PHACTR3: variants seen among roughly 807,000 people sequenced by gnomAD.
The protein encoded by PHACTR3 is phosphatase and actin regulator 3, also known as protein phosphatase 1, regulatory subunit 123.
Under a neutral mutation model 66.8 loss-of-function variants are expected in PHACTR3, and 16 were observed. That is an observed-to-expected ratio of 0.24 (90% confidence interval 0.16 to 0.36). PHACTR3 has a LOEUF of 0.36. Among genes scored for constraint, PHACTR3 ranks in the 10% least tolerant of loss-of-function variants. PHACTR3 has a pLI of 1.00. For synonymous variants in PHACTR3, 323 were observed against 292.1 expected (o/e 1.11, Z -1.08); for missense variants, 647 against 719.9 (o/e 0.90, Z 1.16).
rs1295753141 is a variant in PHACTR3 at position 59,672,282 on chromosome 20, C to T, written c.118+67150C>T. Among the ~76,000 whole-genome samples the T allele has an allele frequency of 2.0e-5, 3 of 152,236 alleles. No individual in the cohort carries two copies. The East Asian group carries it at 5.8e-4, about 29-fold the overall frequency. On this transcript the variant is annotated intron_variant, in intron 1 of 12. Transcript: ENST00000371015. ...CATCCCTGCGTTGGAGTCACAGTGC[C>T]CTGAGTCCCTGTCCCAATGCTGCAC...
At chr20:59,715,503 C>T (rs894224984) in intron 1 of PHACTR3, among the ~76,000 whole-genome samples, 7 of 152,170 alleles carry the variant, frequency 4.6e-5, no homozygotes, top group African/African-American at 1.7e-4. Context: ...TGTCTTTCTG[C>T]ATTTCTCTGC....
At chr20:59,719,894 C>T (rs1047815435) in intron 1 of PHACTR3, among the ~76,000 whole-genome samples, 5 of 152,162 alleles carry the variant, frequency 3.3e-5, no homozygotes, top group African/African-American at 4.8e-5. Context: ...GGAGCCTGTC[C>T]GAGGGCTTGC....
At chr20:59,743,371 G>A in intron 2 of PHACTR3, 103 bp downstream of exon 2, 2 of 1,429,474 alleles carry the variant, frequency 1.4e-6, no homozygotes, top group Middle Eastern at 1.9e-4. Context: ...CCCCTACACA[G>A]GAGGGGCAGA....
intron 8 of PHACTR3, among the ~76,000 whole-genome samples, chr20:59,831,468 T>G (rs936113183): frequency 5.3e-5 from 8 of 152,178 alleles, no homozygotes; most frequent in African/African-American, 1.9e-4. Flanking sequence ...CACTCAGGCT[T>G]TCTCAGTGGG....
intron 1 of PHACTR3, among the ~76,000 whole-genome samples, chr20:59,659,071 T>A (rs1440351676): frequency 6.6e-6 from 1 of 152,152 alleles, no homozygotes; most frequent in Non-Finnish European, 1.5e-5. Context: ...AGTTTCCATG[T>A]GGTTCATTTT....
intron 1 of PHACTR3, among the ~76,000 whole-genome samples, chr20:59,620,181 A>G (rs2034181351): frequency 6.6e-6 from 1 of 152,176 alleles, no homozygotes; most frequent in African/African-American, 2.4e-5. Context: ...GAGCATTTTT[A>G]AACTTTTCGC....
intron 8 of PHACTR3, among the ~76,000 whole-genome samples, chr20:59,814,016 G>A (rs1042067699): frequency 6.6e-6 from 1 of 152,234 alleles, no homozygotes. Flanking sequence ...CACTGGCGTG[G>A]CGGGGCCCTG....
intron 1 of PHACTR3, among the ~76,000 whole-genome samples, chr20:59,665,401 C>T (rs748358726): frequency 6.6e-6 from 1 of 152,186 alleles, no homozygotes; most frequent in Non-Finnish European, 1.5e-5. Flanking sequence ...TTTCACTGCA[C>T]CTCTGTGAGA....
intron 1 of PHACTR3, among the ~76,000 whole-genome samples, chr20:59,712,471 T>G (rs1158395166): frequency 6.6e-6 from 1 of 152,214 alleles, no homozygotes; most frequent in Non-Finnish European, 1.5e-5. Context: ...TTGTCATTTT[T>G]TTATACTGTG....
At chr20:59,748,524 AT>A (rs1358305475) in intron 3 of PHACTR3, among the ~76,000 whole-genome samples, 1 of 152,176 alleles carries the variant, frequency 6.6e-6, no homozygotes, top group Admixed American at 6.5e-5. Flanking sequence ...AAGGCCAGTT[AT>A]TATCACTCAT....
intron 1 of PHACTR3, among the ~76,000 whole-genome samples, chr20:59,650,543 G>A (rs533439585): frequency 1.3e-5 from 2 of 152,050 alleles, no homozygotes; most frequent in South Asian, 2.1e-4. Flanking sequence ...TATAACAATG[G>A]CAAGTGTTGC....
Position 59,829,873 on chromosome 20 carries a change from A to G in PHACTR3, c.1329-6632A>G, listed in dbSNP as rs1282661034. Among the ~76,000 whole-genome samples the G allele has an allele frequency of 6.6e-6, 1 of 152,060 alleles. No individual in the cohort carries two copies. On this transcript the variant is annotated intron_variant, in intron 8 of 12. Coordinates refer to ENST00000371015, the MANE Select transcript of PHACTR3 (RefSeq NM_080672.5). The surrounding 1 kb of genome is among the most constrained non-coding windows in gnomAD (Gnocchi z 4.2). Reference sequence around the variant, plus strand: ...ACATCTGTGCTGGGGTGAGATCAAGATTTGGGGGATGTGCGTTTAGTGGGG... The same window carrying G: ...ACATCTGTGCTGGGGTGAGATCAAGGTTTGGGGGATGTGCGTTTAGTGGGG...
At chr20:59,784,602 C>T (rs1408017605) in intron 7 of PHACTR3, among the ~76,000 whole-genome samples, 1 of 152,090 alleles carries the variant, frequency 6.6e-6, no homozygotes, top group East Asian at 1.9e-4. Context: ...TGTTGCATAG[C>T]CCAGTGTGAG....
chr20:59,673,866 G>C (rs2036279609), intron 1 of PHACTR3, among the ~76,000 whole-genome samples: 1 of 152,104 alleles, frequency 6.6e-6, no homozygotes, highest in African/African-American at 2.4e-5. Flanking sequence ...TCTGAGCCTT[G>C]GTTTCCTCAC....
chr20:59,627,585 T>G (rs2034502526), intron 1 of PHACTR3, among the ~76,000 whole-genome samples: 1 of 152,140 alleles, frequency 6.6e-6, no homozygotes, highest in Non-Finnish European at 1.5e-5. Flanking sequence ...ACCTATCAGA[T>G]CCCCAGGTGG....
At chr20:59,723,376 G>A (rs908948097) in intron 1 of PHACTR3, among the ~76,000 whole-genome samples, 1 of 152,048 alleles carries the variant, frequency 6.6e-6, no homozygotes, top group East Asian at 1.9e-4. Flanking sequence ...ACAGTGTGGG[G>A]TGTGCTGTGG....
chr20:59,794,123 C>A (rs1460179772), intron 7 of PHACTR3, among the ~76,000 whole-genome samples: 121 of 97,796 alleles, frequency 1.2e-3, no homozygotes, highest in Admixed American at 1.4e-3. Context: ...GACTCCATCT[C>A]AAAAAAAAAA....
intron 1 of PHACTR3, among the ~76,000 whole-genome samples, chr20:59,648,380 T>G (rs2035355115): frequency 6.6e-6 from 1 of 152,196 alleles, no homozygotes; most frequent in Non-Finnish European, 1.5e-5. Flanking sequence ...GTCAGCTTCT[T>G]TAAAATCACA....
intron 7 of PHACTR3, among the ~76,000 whole-genome samples, chr20:59,796,167 A>AATTTTCCTC (rs1486525779): frequency 6.6e-6 from 1 of 152,098 alleles, no homozygotes; most frequent in Non-Finnish European, 1.5e-5. Flanking sequence ...TTATATAAAA[A>AATTTTCCTC]ATTATAAAGT....
Sources: allele counts gnomAD v4.1 joint callset (sites outside exome capture counted in the v4.1 genomes callset), GRCh38; gene constraint gnomAD v4.1.1; non-coding constraint Gnocchi (gnomAD v3.1); transcripts MANE v1.5; gene names NCBI Gene and HGNC (gene_info 2026-07-23, HGNC 2026-07-21).